The following MAP2K5 variants were observed in gnomAD, a reference collection of about 807,000 sequenced individuals.
MAP2K5 encodes the protein mitogen-activated protein kinase kinase 5.
A neutral mutation model predicts 83.1 loss-of-function variants in MAP2K5; 49 were observed. That is an observed-to-expected ratio of 0.59 (90% CI 0.47 to 0.75). The LOEUF (loss-of-function observed/expected upper bound fraction) is 0.75, where lower values mean the gene tolerates loss of function less well. Ranked by LOEUF, MAP2K5 falls within the 30% of genes least tolerant of loss-of-function variation. MAP2K5 has a pLI of 0.00. For missense variants in MAP2K5, 457 were observed against 557.5 expected, an observed-to-expected ratio of 0.82 and a Z score of 1.82; for synonymous variants, 202 against 191.8, an observed-to-expected ratio of 1.05 and a Z score of -0.44.
Position 67,673,601 on chromosome 15 carries a change from A to G in MAP2K5, c.847+8956A>G, listed in dbSNP as rs1469710229. On this transcript the variant is annotated intron_variant, in intron 13 of 21. Transcript: ENST00000178640. ...AAAAGTTGGGATTTGGGGCAAAAAT[A>G]AATTAGGGAATGATTATTTTCTGGA... is the stretch of plus-strand genomic sequence containing the variant. Among the ~76,000 whole-genome samples the G allele has an allele frequency of 3.3e-5, 5 of 152,314 alleles. No individual in the cohort carries two copies. In the East Asian group the frequency reaches 7.7e-4, roughly 23 times the overall value.
intron 11 of MAP2K5, among the ~76,000 whole-genome samples, chr15:67,648,303 T>G (rs1260952415): frequency 1.3e-5 from 2 of 152,214 alleles, no homozygotes; most frequent in African/African-American, 4.8e-5. Flanking sequence ...ATTCTGGACA[T>G]TCCATATAAA....
chr15:67,657,135 T>C (rs575587483), intron 11 of MAP2K5, among the ~76,000 whole-genome samples: 2 of 152,326 alleles, frequency 1.3e-5, no homozygotes, highest in Non-Finnish European at 2.9e-5. Context: ...AAAATTAGAT[T>C]CCTTTTTGGC....
At chr15:67,743,726 A>G (rs998656995) in intron 17 of MAP2K5, among the ~76,000 whole-genome samples, 5 of 152,218 alleles carry the variant, frequency 3.3e-5, no homozygotes, top group Non-Finnish European at 5.9e-5. Context: ...AAGTTTTAAT[A>G]TCCAGCACAG....
rs139855908 is a variant in MAP2K5, at chr15:67,623,250, G to A, written c.546-7638G>A. ...TTCTGCTGAGATTAACACCTGAATGGCGTACTTACCACACCTATCTGTAGT... is the reference window on the plus strand; with the variant it reads ...TTCTGCTGAGATTAACACCTGAATGACGTACTTACCACACCTATCTGTAGT... On this transcript the variant is annotated intron_variant, in intron 8 of 21. Transcript: ENST00000178640. Among the ~76,000 whole-genome samples, 1,289 of 152,226 alleles carry A rather than the reference G, an allele frequency of 8.5e-3. 41 individuals carry two copies. The highest frequency in any genetic ancestry group is 0.062 in the Admixed American group (953 of 15,294).
rs188690319 is a variant in MAP2K5, at chr15:67,762,578, A to C, written c.1135-7024A>C. ...TTAAATGACAGACAAAAAAAAAAAA[A>C]AAAACAAGCAGACTAAATGAAGAAT... On this transcript the variant is annotated intron_variant, in intron 19 of 21. Transcript: ENST00000178640. Among the ~76,000 whole-genome samples the C allele has an allele frequency of 1.3e-3, 202 of 152,178 alleles. 2 individuals are homozygous for C. Among genetic ancestry groups the C allele is most frequent in the Admixed American group, 6.3e-3 (96 of 15,278 alleles).
chr15:67,753,354 C>A (rs1417351890), intron 19 of MAP2K5, among the ~76,000 whole-genome samples: 4 of 152,006 alleles, frequency 2.6e-5, no homozygotes, highest in African/African-American at 9.7e-5. Context: ...TTATCAAAAT[C>A]AAAAACTTTT....
intron 20 of MAP2K5, 113 bp from the exon 21 acceptor site, chr15:67,772,594 T>G (rs997926747): frequency 3.3e-6 from 2 of 607,540 alleles, no homozygotes; most frequent in African/African-American, 3.8e-5. Flanking sequence ...GAATTGAACA[T>G]GATGTATTTT....
At chr15:67,567,057 A>G (rs943179920) in intron 3 of MAP2K5, among the ~76,000 whole-genome samples, 1 of 152,254 alleles carries the variant, frequency 6.6e-6, no homozygotes, top group Non-Finnish European at 1.5e-5. Context: ...TCTTTTCTTC[A>G]TTAGAGATAT....
chr15:67,606,433 G>T (rs1458368888), intron 8 of MAP2K5, among the ~76,000 whole-genome samples: 4 of 152,134 alleles, frequency 2.6e-5, no homozygotes, highest in Non-Finnish European at 5.9e-5. Flanking sequence ...TATATATACT[G>T]CCTTCATGGT....
At position 67,555,950 on chromosome 15, in the gene MAP2K5, A is replaced by C. The variant is rs909855703; in HGVS notation, c.184+5868A>C. On this transcript the variant is annotated intron_variant, in intron 2 of 21. Transcript: ENST00000178640. The surrounding 1 kb of genome is among the most constrained non-coding windows in gnomAD (Gnocchi z 5.2). The stretch of plus-strand genomic sequence containing the variant: ...AGGCATGCGCCACCACACCCGGCTA[A>C]TTTTTTTGTATTTTTAGTAGATACG... Among the ~76,000 whole-genome samples, 3 of 151,610 alleles carry C rather than the reference A, an allele frequency of 2.0e-5. No individual in the cohort carries two copies. The highest frequency in any genetic ancestry group is 4.4e-5 in the Non-Finnish European group (3 of 67,872).
At chr15:67,583,022 T>C (rs1454635018) in intron 4 of MAP2K5, among the ~76,000 whole-genome samples, 2 of 152,240 alleles carry the variant, frequency 1.3e-5, no homozygotes, top group Non-Finnish European at 2.9e-5. Flanking sequence ...CATTTTTAGA[T>C]GTCTGCTCTG....
intron 8 of MAP2K5, among the ~76,000 whole-genome samples, chr15:67,624,920 T>G (rs991408197): frequency 6.6e-6 from 1 of 152,204 alleles, no homozygotes; most frequent in Non-Finnish European, 1.5e-5. Context: ...CACGAGCCAC[T>G]GTGCCCAGCC....
At chr15:67,635,294 C>A (rs1368716649) in intron 9 of MAP2K5, among the ~76,000 whole-genome samples, 2 of 151,502 alleles carry the variant, frequency 1.3e-5, no homozygotes, top group East Asian at 3.9e-4. Context: ...TCTGCCTCAG[C>A]CTCCCGAGTA....
Position 67,806,872 on chromosome 15 carries a change from G to A in MAP2K5, c.*122G>A, listed in dbSNP as rs537300433. 19 of 1,594,642 alleles carry A rather than the reference G, an allele frequency of 1.2e-5. No individual in the cohort carries two copies. The highest frequency in any genetic ancestry group is 6.7e-5 in the East Asian group (3 of 44,732). On this transcript the variant is annotated 3_prime_UTR_variant, in exon 22 of 22. Coordinates refer to ENST00000178640, the MANE Select transcript of MAP2K5 (RefSeq NM_145160.3). ...GCTGGGCCCTGGCTTCCCTGCCCTC[G>A]CCTTCACCTCTGTCAGCAGGTGGCC...
chr15:67,799,739 A>G (rs944940033), intron 21 of MAP2K5, among the ~76,000 whole-genome samples: 1 of 152,208 alleles, frequency 6.6e-6, no homozygotes, highest in Non-Finnish European at 1.5e-5. Flanking sequence ...CACCCACCCA[A>G]TGTTGCCACT....
At chr15:67,796,779 T>C (rs1366327885) in intron 21 of MAP2K5, among the ~76,000 whole-genome samples, 1 of 152,224 alleles carries the variant, frequency 6.6e-6, no homozygotes, top group Non-Finnish European at 1.5e-5. Flanking sequence ...AAATAGTAGC[T>C]TAAACAAGAC....
At chr15:67,548,310 A>T (rs1461995462) in intron 1 of MAP2K5, among the ~76,000 whole-genome samples, 1 of 152,224 alleles carries the variant, frequency 6.6e-6, no homozygotes. Flanking sequence ...TTTTAAACCT[A>T]CACTGGCTAG....
chr15:67,802,170 G>A lies in MAP2K5; in HGVS notation c.1243-4476G>A, dbSNP rs558757819. 6.6e-6 allele frequency among the ~76,000 whole-genome samples: 1 copy of A among 152,308 alleles called. No individual in the cohort carries two copies. The highest frequency in any genetic ancestry group is 1.9e-4 in the East Asian group (1 of 5,186). On this transcript the variant is annotated intron_variant, in intron 21 of 21. Transcript: ENST00000178640. The surrounding 1 kb of genome is among the most constrained non-coding windows in gnomAD (Gnocchi z 5.0). ...GGCATCTCAGCACAGTGGAACATGT[G>A]GCCAGGAATTAGGGACGTTAGTACA...
intron 3 of MAP2K5, among the ~76,000 whole-genome samples, chr15:67,568,300 C>T (rs1567278294): frequency 6.6e-6 from 1 of 152,130 alleles, no homozygotes. Flanking sequence ...ACGTTGAGTA[C>T]TATGAGGGAA....
Sources: gnomAD v4.1 joint callset for allele counts (sites outside exome capture counted in the v4.1 genomes callset) on GRCh38, gnomAD v4.1.1 for gene constraint, Gnocchi (gnomAD v3.1) non-coding constraint, MANE v1.5 for transcripts, NCBI Gene and HGNC (gene_info 2026-07-23, HGNC 2026-07-21) for gene names.